Variants in FGF14 observed in about 807,000 individuals in gnomAD.
FGF14 encodes the protein fibroblast growth factor homologous factor 4.
FGF14 carries 5 observed loss-of-function variants against 25.5 expected under a neutral mutation model. That is an observed-to-expected ratio of 0.20 (90% CI 0.10 to 0.41). The LOEUF is 0.41. FGF14 is among the 10% of genes least tolerant of loss of function. The pLI, the probability that FGF14 is intolerant of heterozygous loss-of-function variation, is 1.00. For synonymous variants in FGF14, 138 were observed against 118.3 expected (o/e 1.17, Z -1.08); for missense variants, 222 against 320.1 (o/e 0.69, Z 2.34).
intron 1 of FGF14, among the ~76,000 whole-genome samples, chr13:102,067,286 C>G (rs935409463): frequency 6.6e-6 from 1 of 152,170 alleles, no homozygotes; most frequent in African/African-American, 2.4e-5. Context: ...GACCACTCAG[C>G]TACAGTGACC....
chr13:102,073,973 C>T (rs2043251780), intron 1 of FGF14, among the ~76,000 whole-genome samples: 1 of 152,180 alleles, frequency 6.6e-6, no homozygotes, highest in African/African-American at 2.4e-5. Context: ...CTGCCCTTCC[C>T]AACAAGGTCT....
chr13:102,235,592 G>T (rs2141008817), intron 1 of FGF14, among the ~76,000 whole-genome samples: 1 of 152,218 alleles, frequency 6.6e-6, no homozygotes, highest in Non-Finnish European at 1.5e-5. Flanking sequence ...GCAAATTTAT[G>T]GTCAAAAAGG....
intron 1 of FGF14, among the ~76,000 whole-genome samples, chr13:102,056,070 A>G (rs2042416248): frequency 6.6e-6 from 1 of 152,244 alleles, no homozygotes; most frequent in Admixed American, 6.5e-5. Flanking sequence ...TATGGGAGCT[A>G]CAATTCAGGA....
intron 1 of FGF14, among the ~76,000 whole-genome samples, chr13:102,036,707 G>A (rs1336229127): frequency 3.9e-5 from 6 of 152,022 alleles, no homozygotes; most frequent in South Asian, 2.1e-4. Flanking sequence ...GGAGGAGGAC[G>A]AAGAAGAAAA....
chr13:102,161,676 GAA>G (rs1263208043), intron 1 of FGF14, among the ~76,000 whole-genome samples: 3 of 56,954 alleles, frequency 5.3e-5, no homozygotes, highest in African/African-American at 5.6e-5. Context: ...AGAAGAAGAA[GAA>G]GAAGAAGAAG....
At chr13:102,237,748 ACACT>A (rs1406853681) in intron 1 of FGF14, among the ~76,000 whole-genome samples, 1 of 152,180 alleles carries the variant, frequency 6.6e-6, no homozygotes, top group Non-Finnish European at 1.5e-5. Flanking sequence ...TGACCCCTGA[ACACT>A]CAATCTTCTG....
chr13:101,729,071 A>G (rs1200778748), intron 3 of FGF14, among the ~76,000 whole-genome samples: 1 of 152,070 alleles, frequency 6.6e-6, no homozygotes, highest in African/African-American at 2.4e-5. Flanking sequence ...ATCTTTTCAG[A>G]TGAAATGTTC....
chr13:101,890,841 G>T (rs140959184), intron 1 of FGF14, among the ~76,000 whole-genome samples: 6 of 152,240 alleles, frequency 3.9e-5, no homozygotes, highest in Non-Finnish European at 7.4e-5. Flanking sequence ...GAGGAGGAAA[G>T]AACTTGAAGT....
chr13:102,056,442 G>GA (rs2042432502), intron 1 of FGF14, among the ~76,000 whole-genome samples: 1 of 152,112 alleles, frequency 6.6e-6, no homozygotes, highest in South Asian at 2.1e-4. Flanking sequence ...GCTTTTGGTA[G>GA]AAAAAAGACA....
At chr13:101,969,198 T>TATC (rs1019233191) in intron 1 of FGF14, among the ~76,000 whole-genome samples, 5 of 152,158 alleles carry the variant, frequency 3.3e-5, no homozygotes, top group African/African-American at 1.2e-4. Context: ...AGTTGTCACT[T>TATC]ATCATGGGTG....
At chr13:102,011,487 G>A (rs753419533) in intron 1 of FGF14, among the ~76,000 whole-genome samples, 13 of 145,032 alleles carry the variant, frequency 9.0e-5, no homozygotes, top group Admixed American at 5.4e-4. Context: ...TTTGCCATAC[G>A]CAGGAGTATG....
chr13:101,792,127 G>A (rs1472312115), intron 3 of FGF14, among the ~76,000 whole-genome samples: 6 of 152,130 alleles, frequency 3.9e-5, no homozygotes, highest in Admixed American at 1.3e-4. Flanking sequence ...CTTCTTAACA[G>A]TGTAGAGTTT....
intron 3 of FGF14, among the ~76,000 whole-genome samples, chr13:101,794,294 C>T (rs2040401157): frequency 6.6e-6 from 1 of 152,074 alleles, no homozygotes; most frequent in Non-Finnish European, 1.5e-5. Context: ...AGTCAGCTCT[C>T]TTTCTCTACG....
chr13:101,829,306 T>C (rs1204082191), intron 3 of FGF14, among the ~76,000 whole-genome samples: 1 of 152,106 alleles, frequency 6.6e-6, no homozygotes, highest in African/African-American at 2.4e-5. Context: ...CTGTGTGAAA[T>C]CAGTTCTGTG....
intron 1 of FGF14, among the ~76,000 whole-genome samples, chr13:101,890,051 G>T (rs1322988845): frequency 6.6e-6 from 1 of 152,084 alleles, no homozygotes; most frequent in African/African-American, 2.4e-5. Flanking sequence ...CATCTTTGCT[G>T]AGTTCTAAAA....
intron 1 of FGF14, among the ~76,000 whole-genome samples, chr13:101,972,442 T>C (rs2037657180): frequency 6.6e-6 from 1 of 152,200 alleles, no homozygotes; most frequent in African/African-American, 2.4e-5. Flanking sequence ...TATTTTGGAA[T>C]AAGGAAGGTA....
intron 1 of FGF14, among the ~76,000 whole-genome samples, chr13:102,220,286 G>A (rs865982829): frequency 2.6e-5 from 4 of 151,896 alleles, no homozygotes; most frequent in Admixed American, 6.6e-5. Context: ...TTTCATTTAA[G>A]AATGGAAATG....
upstream of FGF14, among the ~76,000 whole-genome samples, chr13:101,917,289 C>T (rs1265582923): frequency 6.6e-6 from 1 of 152,088 alleles, no homozygotes; most frequent in Non-Finnish European, 1.5e-5. Flanking sequence ...TCCGTTCCCA[C>T]CCCACTACAC....
chr13:102,173,198 TCTGAAGACATACAGATAGC>T (rs2048317302), intron 1 of FGF14, among the ~76,000 whole-genome samples: 1 of 152,140 alleles, frequency 6.6e-6, no homozygotes, highest in Admixed American at 6.6e-5. Flanking sequence ...TAGATATCTC[TCTGAAGACATACAGATAGC>T]CAACAGACAC....
Sources: allele counts gnomAD v4.1 joint callset (sites outside exome capture counted in the v4.1 genomes callset), GRCh38; gene constraint gnomAD v4.1.1; transcripts MANE v1.5; gene names NCBI Gene and HGNC (gene_info 2026-07-23, HGNC 2026-07-21).